The following DOCK5 variants were observed in gnomAD, a reference collection of about 807,000 sequenced individuals.
The protein encoded by DOCK5 is dedicator of cytokinesis 5.
Under a neutral mutation model 251.8 loss-of-function variants are expected in DOCK5, and 142 were observed. That is an observed-to-expected ratio of 0.56 (90% CI 0.49 to 0.65). The LOEUF (loss-of-function observed/expected upper bound fraction) is 0.65, where lower values mean the gene tolerates loss of function less well. Among genes scored for constraint, DOCK5 ranks in the 30% least tolerant of loss-of-function variants. The pLI is 0.00. For missense variants in DOCK5, 2,111 were observed against 2,312.3 expected, an observed-to-expected ratio of 0.91 and a Z score of 1.79; for synonymous variants, 842 against 835.5, an observed-to-expected ratio of 1.01 and a Z score of -0.13.
intron 34 of DOCK5, among the ~76,000 whole-genome samples, chr8:25,372,275 T>C (rs1800886107): frequency 6.6e-6 from 1 of 152,222 alleles, no homozygotes; most frequent in African/African-American, 2.4e-5. Flanking sequence ...AGAAGGACAT[T>C]GTGTGCTCAG....
At chr8:25,377,256 G>T (rs766919081) in intron 37 of DOCK5, 49 bp from the exon 38 acceptor site, 3 of 1,558,632 alleles carry the variant, frequency 1.9e-6, no homozygotes, top group Non-Finnish European at 2.6e-6. Flanking sequence ...GATGTTGGGG[G>T]GCTGAATATT....
At chr8:25,410,472 G>GGGGGGC (rs1183375910) in intron 51 of DOCK5, among the ~76,000 whole-genome samples, 1 of 151,774 alleles carries the variant, frequency 6.6e-6, no homozygotes, top group Non-Finnish European at 1.5e-5. Context: ...CACCTTTTTA[G>GGGGGGC]GGGGGCGGGG....
chr8:25,278,502 G>A, intron 4 of DOCK5, 67 bp from the exon 5 acceptor site: 1 of 1,498,446 alleles, frequency 6.7e-7, no homozygotes, highest in Non-Finnish European at 9.2e-7. Context: ...TGGGAAGTCT[G>A]ATCCCCATCA....
chr8:25,328,337 G>A (rs1040985444), intron 18 of DOCK5, among the ~76,000 whole-genome samples: 2 of 152,096 alleles, frequency 1.3e-5, no homozygotes, highest in Admixed American at 1.3e-4. Flanking sequence ...AACAGACTGC[G>A]AGCAGGGAGA....
chr8:25,368,752 T>A, intron 33 of DOCK5, 27 bp downstream of exon 33: 1 of 1,602,472 alleles, frequency 6.2e-7, no homozygotes, highest in Non-Finnish European at 8.5e-7. Flanking sequence ...CGCGTAATAT[T>A]AGTAAATGGA....
rs117591686 is a variant in DOCK5, at chr8:25,274,877, G to A, written c.169-509G>A. Among the ~76,000 whole-genome samples, 128 of 152,128 alleles carry A rather than the reference G, an allele frequency of 8.4e-4. 2 individuals carry two copies. The East Asian group carries it at 0.02, about 24-fold the overall frequency. Reference sequence around the variant, plus strand: ...ATGAAACCTGTGTAAAAGTATATGCGGGTTGTGCAGGGCTGCGTGCCATAC... The same window carrying A: ...ATGAAACCTGTGTAAAAGTATATGCAGGTTGTGCAGGGCTGCGTGCCATAC... On this transcript the variant is annotated intron_variant, in intron 3 of 51. Coordinates refer to ENST00000276440, the MANE Select transcript of DOCK5 (RefSeq NM_024940.8).
chr8:25,260,054 TG>T (rs1223842467), intron 2 of DOCK5, among the ~76,000 whole-genome samples: 1 of 152,092 alleles, frequency 6.6e-6, no homozygotes, highest in African/African-American at 2.4e-5. Flanking sequence ...GTGCAGCCAC[TG>T]TCTGTAAGGA....
At chr8:25,336,431 T>A in intron 22 of DOCK5, 58 bp downstream of exon 22, 2 of 1,594,482 alleles carry the variant, frequency 1.3e-6, no homozygotes, top group Non-Finnish European at 1.7e-6. Context: ...GTGTGCTTTT[T>A]CCCTCACTCT....
intron 8 of DOCK5, among the ~76,000 whole-genome samples, chr8:25,299,829 A>T (rs1420608366): frequency 2.6e-5 from 4 of 152,226 alleles, no homozygotes; most frequent in Non-Finnish European, 5.9e-5. Context: ...AAGATAGTTA[A>T]AAGTAATTGC....
chr8:25,304,991 C>G (rs1233732947), intron 11 of DOCK5: 3 of 152,626 alleles, frequency 2.0e-5, no homozygotes, highest in Non-Finnish European at 2.9e-5. Flanking sequence ...CATTGAGGAG[C>G]TGTTGGGAGC....
chr8:25,364,448 T>C (rs1800741082), intron 29 of DOCK5, among the ~76,000 whole-genome samples, 178 bp from the exon 30 acceptor site: 1 of 152,226 alleles, frequency 6.6e-6, no homozygotes, highest in South Asian at 2.1e-4. Context: ...TTCTGTAAAC[T>C]GACCTCCTGT....
At chr8:25,256,254 G>T (rs1374164943) in intron 2 of DOCK5, among the ~76,000 whole-genome samples, 1 of 152,146 alleles carries the variant, frequency 6.6e-6, no homozygotes, top group Admixed American at 6.6e-5. Context: ...ACTGTATCTA[G>T]CAATTTGGTT....
chr8:25,328,799 A>T (rs959506365), intron 18 of DOCK5, among the ~76,000 whole-genome samples: 2 of 152,168 alleles, frequency 1.3e-5, no homozygotes, highest in African/African-American at 4.8e-5. Flanking sequence ...GGAAAAAGAG[A>T]GGAATGTGCA....
rs1563237266 is a variant in DOCK5, at chr8:25,412,911, A to C, written c.*1613A>C. On this transcript the variant is annotated 3_prime_UTR_variant, in exon 52 of 52. Coordinates refer to ENST00000276440, the MANE Select transcript of DOCK5 (RefSeq NM_024940.8). ...TGTCCAGGGCGTTACTTAAGAAATG[A>C]GTATGCAGATTCTGGAAGGGGTGTG... 1.3e-5 allele frequency: 2 copies of C among 152,344 alleles called. No homozygotes were observed. The highest frequency in any genetic ancestry group is 3.9e-4 in the East Asian group (2 of 5,182). The allele number at this position is 152,344 out of a possible 1,614,324, so 9.4% of individuals were successfully genotyped here. A position where few individuals can be genotyped will look rare whatever the true frequency, so the allele number is the denominator to read the frequency against.
rs1805543041 is a variant in DOCK5, at chr8:25,325,515, C to T, written c.1871C>T (p.Thr624Ile). ...DSTKDSFQIA[T>I]LICSTKLTQN... Reference sequence around the variant, plus strand: ...ACTAAAGACAGCTTTCAGATTGCCACCCTCATCTGCTCCACAAAGCTCACC... The same window carrying T: ...ACTAAAGACAGCTTTCAGATTGCCATCCTCATCTGCTCCACAAAGCTCACC... Residue 624 changes from threonine to isoleucine, a missense_variant, in exon 18 of 52, where the codon ACC (threonine) becomes ATC (isoleucine). This residue lies in a region of DOCK5 where 1,717 missense variants were observed against 1,892.4 expected (regional missense o/e 0.91). Transcript: ENST00000276440. 1 of 1,613,780 alleles carries T rather than the reference C, an allele frequency of 6.2e-7. No homozygotes were observed. Among genetic ancestry groups the T allele is most frequent in the Non-Finnish European group, 8.5e-7 (1 of 1,179,744 alleles).
chr8:25,313,641 G>T (rs1256685644), intron 13 of DOCK5, among the ~76,000 whole-genome samples: 2 of 152,180 alleles, frequency 1.3e-5, no homozygotes, highest in African/African-American at 4.8e-5. Context: ...CACAACAAAG[G>T]ACAGGGACTG....
At chr8:25,187,134 G>A (rs1357324103) in intron 1 of DOCK5, among the ~76,000 whole-genome samples, 2 of 151,406 alleles carry the variant, frequency 1.3e-5, no homozygotes, top group African/African-American at 4.9e-5. Flanking sequence ...CTGGGAGGTT[G>A]AGGGTGCACC....
intron 1 of DOCK5, among the ~76,000 whole-genome samples, chr8:25,234,989 A>G (rs930112765): frequency 1.3e-5 from 2 of 152,192 alleles, no homozygotes; most frequent in African/African-American, 4.8e-5. Flanking sequence ...TGTAGGTGTC[A>G]CCATGCCCTG....
At chr8:25,246,664 T>C (rs1448226063) in intron 2 of DOCK5, among the ~76,000 whole-genome samples, 2 of 150,184 alleles carry the variant, frequency 1.3e-5, no homozygotes, top group Non-Finnish European at 3.0e-5. Flanking sequence ...TTTGGTCTCT[T>C]TCAGATTTTG....
Sources: allele counts gnomAD v4.1 joint callset (sites outside exome capture counted in the v4.1 genomes callset), GRCh38; gene constraint gnomAD v4.1.1; regional missense constraint gnomAD v4.1.1; transcripts MANE v1.5; gene names NCBI Gene and HGNC (gene_info 2026-07-23, HGNC 2026-07-21).